The following ADAMTSL1 variants were observed in gnomAD, a reference collection of about 807,000 sequenced individuals.
ADAMTSL1 encodes ADAMTS like 1, also known as ADAMTS-like protein 1.
A neutral mutation model predicts 201.8 loss-of-function variants in ADAMTSL1; 126 were observed. The ratio of observed to expected loss-of-function variants is 0.62; its 90% CI spans 0.54 to 0.72. The LOEUF is 0.72. Among genes scored for constraint, ADAMTSL1 ranks in the 30% least tolerant of loss-of-function variants. ADAMTSL1 has a pLI of 0.00. For missense variants in ADAMTSL1, 2,679 were observed against 2,277.8 expected (o/e 1.18, Z -3.59); for synonymous variants, 1,121 against 903.4 (o/e 1.24, Z -4.32).
Position 18,853,335 on chromosome 9 carries a change from C to A in ADAMTSL1, c.4249+23358C>A, listed in dbSNP as rs1033119485. Among the ~76,000 whole-genome samples the A allele has an allele frequency of 4.6e-5, 7 of 152,102 alleles. No homozygotes were observed. The East Asian group carries it at 1.3e-3, about 29-fold the overall frequency. On this transcript the variant is annotated intron_variant, in intron 23 of 28. Transcript: ENST00000380548. ...CAGCGTTTTAGTACTCAAATCAGTT[C>A]CCCCAAAATTTGGAGTCTAGGGTTT...
intron 1 of ADAMTSL1, among the ~76,000 whole-genome samples, chr9:17,953,423 C>G (rs897503997): frequency 3.3e-5 from 5 of 152,104 alleles, no homozygotes; most frequent in Non-Finnish European, 7.4e-5. Flanking sequence ...AGAAAACTAG[C>G]TTTACAAAAG....
intron 1 of ADAMTSL1, among the ~76,000 whole-genome samples, chr9:17,934,804 C>G (rs942126713): frequency 6.6e-6 from 1 of 151,634 alleles, no homozygotes; most frequent in Non-Finnish European, 1.5e-5. Flanking sequence ...CCCACAAAGA[C>G]CCGTCATTCT....
At chr9:18,770,362 CCCAGAAATT>C (rs1403867525) in intron 16 of ADAMTSL1, among the ~76,000 whole-genome samples, 4 of 151,960 alleles carry the variant, frequency 2.6e-5, no homozygotes, top group African/African-American at 4.8e-5. Context: ...ATTTAAAGGC[CCCAGAAATT>C]CCTGGATGCT....
At chr9:18,251,199 A>C (rs911362826) in intron 2 of ADAMTSL1, among the ~76,000 whole-genome samples, 4 of 152,210 alleles carry the variant, frequency 2.6e-5, no homozygotes. Flanking sequence ...CAGAAGTTGA[A>C]GTTTACAGAA....
At chr9:18,633,605 C>T (rs575131553) in intron 5 of ADAMTSL1, among the ~76,000 whole-genome samples, 1 of 148,224 alleles carries the variant, frequency 6.7e-6, no homozygotes, top group South Asian at 2.1e-4. Context: ...AAAAAACAAA[C>T]AAACCAAAGA....
chr9:18,077,630 G>C (rs1823291764), intron 1 of ADAMTSL1, among the ~76,000 whole-genome samples: 1 of 152,304 alleles, frequency 6.6e-6, no homozygotes, highest in South Asian at 2.1e-4. Flanking sequence ...AGAAGTAAAT[G>C]GGAGCTGAAG....
chr9:18,644,521 A>G (rs946488171), intron 7 of ADAMTSL1, among the ~76,000 whole-genome samples: 4 of 151,938 alleles, frequency 2.6e-5, no homozygotes, highest in Admixed American at 2.6e-4. Flanking sequence ...ATATCTCCTA[A>G]TGCTATCCCT....
chr9:18,074,612 C>T (rs568337796), intron 1 of ADAMTSL1, among the ~76,000 whole-genome samples: 12 of 144,594 alleles, frequency 8.3e-5, no homozygotes, highest in Admixed American at 2.1e-4. Context: ...GTTGTTGAGA[C>T]GGAGTTTCAC....
At position 18,684,798 on chromosome 9, in the gene ADAMTSL1, C is replaced by T. The variant is rs780900806; in HGVS notation, c.1572C>T (p.Pro524=). The T allele has an allele frequency of 5.0e-6, 8 of 1,609,864 alleles. No homozygotes were observed. Among genetic ancestry groups the T allele is most frequent in the Non-Finnish European group, 6.8e-6 (8 of 1,178,352 alleles). The change falls in exon 13 of 29, where the codon CCC becomes CCT. Residue 524 remains proline, a splice_region_variant and synonymous_variant. Coordinates refer to ENST00000380548, the MANE Select transcript of ADAMTSL1 (RefSeq NM_001040272.6). ...AAGGAGCTGCTGTGTCAGAGGAGCCCTCGTAAGTTGTAAAAGCACAGACTG... is the reference window on the plus strand; with the variant it reads ...AAGGAGCTGCTGTGTCAGAGGAGCCTTCGTAAGTTGTAAAAGCACAGACTG... The part of the protein sequence containing the change: ...LEEGAAVSEE[P]SFIPEAWSAC...
At chr9:18,027,402 T>C (rs1221290568) in intron 1 of ADAMTSL1, among the ~76,000 whole-genome samples, 1 of 151,840 alleles carries the variant, frequency 6.6e-6, no homozygotes, top group Non-Finnish European at 1.5e-5. Flanking sequence ...AGAGATTTTG[T>C]ATATTGTATC....
chr9:18,801,382 T>C (rs1822789808), intron 20 of ADAMTSL1, among the ~76,000 whole-genome samples: 1 of 152,240 alleles, frequency 6.6e-6, no homozygotes, highest in Non-Finnish European at 1.5e-5. Flanking sequence ...CTTTACCTTT[T>C]TTGAACTTTT....
chr9:18,373,641 A>T (rs936965319), intron 2 of ADAMTSL1, among the ~76,000 whole-genome samples: 1 of 152,060 alleles, frequency 6.6e-6, no homozygotes, highest in Non-Finnish European at 1.5e-5. Flanking sequence ...GGAGATCTAC[A>T]CTTGACACCA....
chr9:18,140,412 C>G (rs1030692698), intron 1 of ADAMTSL1, among the ~76,000 whole-genome samples: 4 of 152,126 alleles, frequency 2.6e-5, no homozygotes, highest in Non-Finnish European at 5.9e-5. Flanking sequence ...AGACCAGGAG[C>G]AAGCATCCAA....
chr9:18,208,282 T>G (rs1468608053), intron 2 of ADAMTSL1, among the ~76,000 whole-genome samples: 2 of 152,168 alleles, frequency 1.3e-5, no homozygotes, highest in Non-Finnish European at 2.9e-5. Flanking sequence ...AGTGGCAGTT[T>G]CTCTGTGTCT....
chr9:18,277,015 T>G (rs1832612984), intron 2 of ADAMTSL1, among the ~76,000 whole-genome samples: 1 of 152,220 alleles, frequency 6.6e-6, no homozygotes, highest in African/African-American at 2.4e-5. Context: ...GATTGGCTAT[T>G]CAAGAACATG....
rs75441874 is a variant in ADAMTSL1, at chr9:18,177,596, C to T, written c.207+13615C>T. On this transcript the variant is annotated intron_variant, in intron 2 of 29. Transcript: ENST00000680146. ...TTCCTTCTAAGTCATCCATGCCTCC[C>T]GTTCGCAAGGATACTTGGTGATCCA... 9.8e-5 allele frequency among the ~76,000 whole-genome samples: 15 copies of T among 152,286 alleles called. No individual in the cohort carries two copies. The South Asian group carries it at 1.9e-3, about 19-fold the overall frequency.
intron 1 of ADAMTSL1, among the ~76,000 whole-genome samples, chr9:17,965,532 G>A (rs903559628): frequency 3.3e-5 from 5 of 152,026 alleles, no homozygotes; most frequent in African/African-American, 9.7e-5. Flanking sequence ...CAATCACATC[G>A]CTTATTATTT....
At chr9:18,793,356 G>A (rs1822172545) in intron 19 of ADAMTSL1, 2 of 152,098 alleles carry the variant, frequency 1.3e-5, no homozygotes, top group African/African-American at 4.8e-5. Context: ...ATAATTGACA[G>A]CTGATTAGAA....
At chr9:18,102,845 G>C (rs971114005) in intron 1 of ADAMTSL1, among the ~76,000 whole-genome samples, 1 of 152,102 alleles carries the variant, frequency 6.6e-6, no homozygotes, top group Non-Finnish European at 1.5e-5. Flanking sequence ...CAAAAGTTTC[G>C]AAATAATAGA....
Sources: gnomAD v4.1 joint callset for allele counts (sites outside exome capture counted in the v4.1 genomes callset) on GRCh38, gnomAD v4.1.1 for gene constraint, MANE v1.5 for transcripts, NCBI Gene and HGNC (gene_info 2026-07-23, HGNC 2026-07-21) for gene names.